SMARCA5: variants seen among roughly 807,000 people sequenced by gnomAD.
SMARCA5 encodes SNF2 related chromatin remodeling ATPase 5.
Under a neutral mutation model 140.4 loss-of-function variants are expected in SMARCA5, and 18 were observed. The observed-to-expected ratio is 0.13, with a 90% CI of 0.09 to 0.19. The LOEUF (loss-of-function observed/expected upper bound fraction) is 0.19. SMARCA5 is among the 10% of genes least tolerant of loss of function. The pLI is 1.00. For synonymous variants in SMARCA5, 449 were observed against 419.6 expected (o/e 1.07, Z -0.86); for missense variants, 606 against 1,276.8 (o/e 0.47, Z 8.01).
chr4:143,514,859 T>C (rs1425745814), intron 1 of SMARCA5, among the ~76,000 whole-genome samples: 3 of 145,212 alleles, frequency 2.1e-5, no homozygotes, highest in African/African-American at 7.6e-5. Flanking sequence ...CTTTTTGGCC[T>C]CTGGCCTTAA....
chr4:143,545,713 A>G, intron 18 of SMARCA5, 130 bp downstream of exon 18: 2 of 768,818 alleles, frequency 2.6e-6, no homozygotes, highest in Admixed American at 2.5e-5. Context: ...GTCTAGTTGT[A>G]TGTATGAAAT....
chr4:143,551,823 C>G (rs1737646285), intron 23 of SMARCA5, among the ~76,000 whole-genome samples: 1 of 151,906 alleles, frequency 6.6e-6, no homozygotes, highest in Admixed American at 6.6e-5. Flanking sequence ...TAGCTCGGTA[C>G]TATAAGTTAA....
At chr4:143,519,139 G>A (rs1736904034) in intron 2 of SMARCA5, among the ~76,000 whole-genome samples, 1 of 152,036 alleles carries the variant, frequency 6.6e-6, no homozygotes, top group Non-Finnish European at 1.5e-5. Flanking sequence ...TAGCCCAGAA[G>A]CCTGTAATCC....
chr4:143,556,733 C>T lies in SMARCA5; in HGVS notation c.*3549C>T, dbSNP rs1737767371. The T allele has an allele frequency of 6.6e-6, 1 of 152,160 alleles. No individual in the cohort carries two copies. Among genetic ancestry groups the T allele is most frequent in the African/African-American group, 2.4e-5 (1 of 41,438 alleles). The allele number at this position is 152,160 out of a possible 1,614,324, so 9.4% of individuals were successfully genotyped here. On this transcript the variant is annotated 3_prime_UTR_variant, in exon 24 of 24. Transcript: ENST00000283131. ...CAGATGACAGATAATGGGCAAAATA[C>T]ATTCTTGGTGTGGAGCAGTGCTGCA... is the stretch of plus-strand genomic sequence containing the variant.
At chr4:143,528,967 C>T (rs1737127950) in intron 8 of SMARCA5, among the ~76,000 whole-genome samples, 1 of 152,056 alleles carries the variant, frequency 6.6e-6, no homozygotes, top group South Asian at 2.1e-4. Context: ...CGTAGTCTCA[C>T]TCTGTCACCT....
chr4:143,556,896 G>C lies in SMARCA5; in HGVS notation c.*3712G>C, dbSNP rs151074776. On this transcript the variant is annotated 3_prime_UTR_variant, in exon 24 of 24. Transcript: ENST00000283131. Reference sequence around the variant, plus strand: ...CTATGCTACAAGAACCAAAATTGAAGTAAGAAGAAAAAGACTGAAATGATA... The same window carrying C: ...CTATGCTACAAGAACCAAAATTGAACTAAGAAGAAAAAGACTGAAATGATA... 110 of 152,206 alleles carry C rather than the reference G, an allele frequency of 7.2e-4. 1 individual carries two copies. The highest frequency in any genetic ancestry group is 2.6e-3 in the African/African-American group (106 of 41,516). The allele number at this position is 152,206 out of a possible 1,614,324, so 9.4% of individuals were successfully genotyped here.
At position 143,554,921 on chromosome 4, in the gene SMARCA5, G is replaced by A. The variant is rs1737716396; in HGVS notation, c.*1737G>A. 3 of 353,506 alleles carry A rather than the reference G, an allele frequency of 8.5e-6. No individual in the cohort carries two copies. The highest frequency in any genetic ancestry group is 2.5e-5 in the South Asian group (1 of 40,032). The allele number at this position is 353,506 out of a possible 1,614,324, so 21.9% of individuals were successfully genotyped here. A position where few individuals can be genotyped will look rare whatever the true frequency, so the allele number is the denominator to read the frequency against. ...GCCCTGAGAGCTTAGGGACTCAAAT[G>A]GAAACTGTGTGAAGGGAAACTCACT... On this transcript the variant is annotated 3_prime_UTR_variant, in exon 24 of 24. Coordinates refer to ENST00000283131, the MANE Select transcript of SMARCA5 (RefSeq NM_003601.4).
At chr4:143,538,985 A>C (rs769103787) in intron 13 of SMARCA5, 47 bp downstream of exon 13, 3 of 1,516,868 alleles carry the variant, frequency 2.0e-6, no homozygotes, top group Admixed American at 1.7e-5. Flanking sequence ...AGATGGCGTT[A>C]GTTAGGACAG....
intron 8 of SMARCA5, among the ~76,000 whole-genome samples, 160 bp downstream of exon 8, chr4:143,528,874 C>T (rs1315353963): frequency 6.6e-6 from 1 of 152,028 alleles, no homozygotes; most frequent in Non-Finnish European, 1.5e-5. Context: ...CCTAGGTTGT[C>T]TCTGTATAAT....
At position 143,546,765 on chromosome 4, in the gene SMARCA5, T is replaced by C; in HGVS notation, c.2521-11T>C. The C allele has an allele frequency of 6.2e-7, 1 of 1,601,478 alleles. No individual in the cohort carries two copies. The highest frequency in any genetic ancestry group is 8.5e-7 in the Non-Finnish European group (1 of 1,173,344). On this transcript the variant is annotated splice_polypyrimidine_tract_variant and intron_variant, in intron 19 of 23. Coordinates refer to ENST00000283131, the MANE Select transcript of SMARCA5 (RefSeq NM_003601.4). ...GCTGTGATTAAATATTTTGTTTCTG[T>C]TCCTGTGAAGGGATTTACCAATTGG... is the stretch of plus-strand genomic sequence containing the variant.
chr4:143,535,417 T>C (rs1288531999), intron 10 of SMARCA5, among the ~76,000 whole-genome samples: 1 of 152,216 alleles, frequency 6.6e-6, no homozygotes, highest in Non-Finnish European at 1.5e-5. Flanking sequence ...TTTACTGGTC[T>C]CATCATATTT....
At chr4:143,516,205 A>ATTT (rs60061501) in intron 1 of SMARCA5, among the ~76,000 whole-genome samples, 67 of 124,402 alleles carry the variant, frequency 5.4e-4, no homozygotes, top group African/African-American at 1.9e-3. Flanking sequence ...GCATTCATGA[A>ATTT]TTTTTTTTTT....
chr4:143,525,341 A>T, intron 4 of SMARCA5, 110 bp from the exon 5 acceptor site: 1 of 717,914 alleles, frequency 1.4e-6, no homozygotes, highest in Non-Finnish European at 2.5e-6. Context: ...CCTATTCAAG[A>T]ATCCGTTAGT....
intron 4 of SMARCA5, among the ~76,000 whole-genome samples, chr4:143,524,887 G>C (rs576953280): frequency 6.6e-6 from 1 of 152,060 alleles, no homozygotes; most frequent in Non-Finnish European, 1.5e-5. Context: ...AAAGGAGATG[G>C]AGGGCTACAC....
Position 143,555,982 on chromosome 4 carries a change from A to G in SMARCA5, c.*2798A>G, listed in dbSNP as rs901704192. 1 of 152,200 alleles carries G rather than the reference A, an allele frequency of 6.6e-6. No homozygotes were observed. The highest frequency in any genetic ancestry group is 1.5e-5 in the Non-Finnish European group (1 of 68,046). The allele number at this position is 152,200 out of a possible 1,614,324, so 9.4% of individuals were successfully genotyped here. A position where few individuals can be genotyped will look rare whatever the true frequency, so the allele number is the denominator to read the frequency against. ...TGTGAGCCTACACCACACCTGGCCT[A>G]CATTTTGTTTTTCATAAAGTTGAGA... On this transcript the variant is annotated 3_prime_UTR_variant, in exon 24 of 24. Transcript: ENST00000283131.
Position 143,545,598 on chromosome 4 carries a change from C to A in SMARCA5, c.2397+15C>A. 1 of 1,387,082 alleles carries A rather than the reference C, an allele frequency of 7.2e-7. No individual in the cohort carries two copies. Among genetic ancestry groups the A allele is most frequent in the Non-Finnish European group, 1.0e-6 (1 of 978,118 alleles). The allele number at this position is 1,387,082 out of a possible 1,614,324, so 85.9% of individuals were successfully genotyped here. On this transcript the variant is annotated intron_variant, in intron 18 of 23. Coordinates refer to ENST00000283131, the MANE Select transcript of SMARCA5 (RefSeq NM_003601.4). Reference sequence around the variant, plus strand: ...TTGGGTACAAGGTAATTGAAATTATCTGCCTTTCTGTTCATTCCTATCCAG... The same window carrying A: ...TTGGGTACAAGGTAATTGAAATTATATGCCTTTCTGTTCATTCCTATCCAG...
intron 1 of SMARCA5, among the ~76,000 whole-genome samples, chr4:143,516,192 C>A (rs1736827306): frequency 6.9e-6 from 1 of 145,034 alleles, no homozygotes; most frequent in African/African-American, 2.6e-5. Context: ...CAGAGTAAAC[C>A]CAGCATTCAT....
chr4:143,545,425 G>A (rs550722750), intron 17 of SMARCA5, 45 bp from the exon 18 acceptor site: 20 of 1,281,602 alleles, frequency 1.6e-5, no homozygotes, highest in Non-Finnish European at 2.2e-5. Context: ...CATTTAAAAT[G>A]AAATTTCTTT....
Position 143,536,650 on chromosome 4 carries a change from C to T in SMARCA5, c.1467C>T (p.Asp489=), listed in dbSNP as rs1193632816. The change falls in exon 11 of 24, where the codon GAC becomes GAT. Residue 489 remains aspartate, a synonymous_variant. Transcript: ENST00000283131. ...ACAGTGGCAAAATGGTGGTTTTAGA[C>T]AAGCTGCTCCCTAAGTTAAAAGAAC... ...VTNSGKMVVL[D]KLLPKLKEQG... The T allele has an allele frequency of 6.2e-7, 1 of 1,612,794 alleles. No homozygotes were observed. Among genetic ancestry groups the T allele is most frequent in the Non-Finnish European group, 8.5e-7 (1 of 1,178,998 alleles).
Sources: gnomAD v4.1 joint callset for allele counts (sites outside exome capture counted in the v4.1 genomes callset) on GRCh38, gnomAD v4.1.1 for gene constraint, MANE v1.5 for transcripts, NCBI Gene and HGNC (gene_info 2026-07-23, HGNC 2026-07-21) for gene names.